The following CCDC117 variants were observed in gnomAD, a reference collection of about 807,000 sequenced individuals.
CCDC117 encodes the protein coiled-coil domain-containing protein 117.
A neutral mutation model predicts 23.5 loss-of-function variants in CCDC117; 1 was observed. The observed-to-expected ratio is 0.04, with a 90% CI of 0.02 to 0.20. The LOEUF (loss-of-function observed/expected upper bound fraction) is 0.20, where lower values mean the gene tolerates loss of function less well. Among genes scored for constraint, CCDC117 ranks in the 10% least tolerant of loss-of-function variants. The probability of loss-of-function intolerance (pLI) is 1.00; values close to 1 mark genes in which losing one functional copy is unlikely to be tolerated. For synonymous variants in CCDC117, 132 were observed against 124.8 expected (o/e 1.06, Z -0.39); for missense variants, 383 against 348.2 (o/e 1.10, Z -0.80).
chr22:28,773,885 G>T, intron 2 of CCDC117, 107 bp downstream of exon 2: 1 of 844,336 alleles, frequency 1.2e-6, no homozygotes, highest in South Asian at 1.4e-5. Flanking sequence ...GAGTGTCTCT[G>T]GAAAGAGACA....
Position 28,774,428 on chromosome 22 carries a change from TTG to T in CCDC117, c.239+655_239+656del, listed in dbSNP as rs2031103111. 8.0e-5 allele frequency among the ~76,000 whole-genome samples: 12 copies of T among 150,748 alleles called. No homozygotes were observed. The East Asian group carries it at 2.4e-3, about 30-fold the overall frequency. ...CTCTGTCACCCAAGCTGGAGTGCAGTTGTGTGATCACAGCTCACTGCAGCCTC... is the reference window on the plus strand; with the variant it reads ...CTCTGTCACCCAAGCTGGAGTGCAGTTGTGATCACAGCTCACTGCAGCCTC... On this transcript the variant is annotated intron_variant, in intron 2 of 4. Transcript: ENST00000249064.
intron 2 of CCDC117, among the ~76,000 whole-genome samples, chr22:28,777,910 G>A (rs6005874): frequency 6.7e-6 from 1 of 150,296 alleles, no homozygotes; most frequent in Admixed American, 6.6e-5. Flanking sequence ...CAGTACAGTC[G>A]CACGATCAGG....
chr22:28,781,356 T>TTTTTTTTTTTTTTTTTG, intron 3 of CCDC117, among the ~76,000 whole-genome samples, 184 bp downstream of exon 3: 1 of 16,428 alleles, frequency 6.1e-5, no homozygotes, highest in Non-Finnish European at 9.5e-5. Context: ...TTTTTTTTTT[T>TTTTTTTTTTTTTTTTTG]TTTTTTTTTT....
chr22:28,776,586 A>C (rs1363167628), intron 2 of CCDC117, among the ~76,000 whole-genome samples: 1 of 134,054 alleles, frequency 7.5e-6, no homozygotes, highest in Non-Finnish European at 1.5e-5. Context: ...ATGCCCAGCT[A>C]ATTTTTTTTT....
rs757230364 is a variant in CCDC117 at position 28,781,117 on chromosome 22, A to G, written c.409A>G (p.Thr137Ala). 1 of 1,614,018 alleles carries G rather than the reference A, an allele frequency of 6.2e-7. No homozygotes were observed. Among genetic ancestry groups the G allele is most frequent in the Non-Finnish European group, 8.5e-7 (1 of 1,179,998 alleles). Residue 137 changes from threonine to alanine, a missense_variant, in exon 3 of 5, where the codon ACT becomes GCT. Transcript: ENST00000249064. ...DVICEEMDQTTGEPQCEVARR... is the reference protein window; with the variant it reads ...DVICEEMDQTAGEPQCEVARR... Reference sequence around the variant, plus strand: ...TATTTGTGAAGAAATGGATCAGACAACTGGAGAACCACAGTGTGAAGTTGC... The same window carrying G: ...TATTTGTGAAGAAATGGATCAGACAGCTGGAGAACCACAGTGTGAAGTTGC...
intron 2 of CCDC117, among the ~76,000 whole-genome samples, chr22:28,775,432 T>A (rs1238011997): frequency 6.6e-6 from 1 of 152,202 alleles, no homozygotes; most frequent in Non-Finnish European, 1.5e-5. Context: ...TATGAATGAT[T>A]TCCTTGACGT....
intron 2 of CCDC117, among the ~76,000 whole-genome samples, chr22:28,774,172 A>C (rs1459496785): frequency 2.8e-5 from 4 of 144,714 alleles, no homozygotes; most frequent in Non-Finnish European, 6.0e-5. Flanking sequence ...GCTTCATGCC[A>C]TTCTCCTGCC....
At position 28,785,176 on chromosome 22, in the gene CCDC117, G is replaced by A. The variant is rs569591406; in HGVS notation, c.603-913G>A. Reference sequence around the variant, plus strand: ...ATAGTCATTTTGCCTTAACCATGAAGCTTGTTTTGTTTTGTTTTGTTTTGT... The same window carrying A: ...ATAGTCATTTTGCCTTAACCATGAAACTTGTTTTGTTTTGTTTTGTTTTGT... On this transcript the variant is annotated intron_variant, in intron 4 of 4. Coordinates refer to ENST00000249064, the MANE Select transcript of CCDC117 (RefSeq NM_173510.4). Among the ~76,000 whole-genome samples the A allele has an allele frequency of 1.1e-3, 139 of 129,398 alleles. No homozygotes were observed. The Middle Eastern group carries it at 0.012, about 11-fold the overall frequency. 84.9% of individuals were successfully genotyped at this position (129,398 alleles called of 152,430 possible).
At chr22:28,777,228 T>C (rs1195661229) in intron 2 of CCDC117, among the ~76,000 whole-genome samples, 1 of 151,802 alleles carries the variant, frequency 6.6e-6, no homozygotes, top group Non-Finnish European at 1.5e-5. Context: ...GGTTTCACCA[T>C]GTTAGCCAGG....
chr22:28,783,450 A>T lies in CCDC117; in HGVS notation c.465-58A>T. Reference sequence around the variant, plus strand: ...TTTTAAAATTTTGTCCAAATACTAGAATATATAATAGCTTGACTAAATATT... The same window carrying T: ...TTTTAAAATTTTGTCCAAATACTAGTATATATAATAGCTTGACTAAATATT... On this transcript the variant is annotated intron_variant, in intron 3 of 4. Coordinates refer to ENST00000249064, the MANE Select transcript of CCDC117 (RefSeq NM_173510.4). The T allele has an allele frequency of 2.0e-6, 3 of 1,531,942 alleles. No homozygotes were observed. In the South Asian group the frequency reaches 3.6e-5, roughly 18 times the overall value. The allele number at this position is 1,531,942 out of a possible 1,614,324, so 94.9% of individuals were successfully genotyped here.
In CCDC117 at chr22:28,786,232, G is replaced by A. The variant is rs2031505058; in HGVS notation, c.746G>A (p.Arg249Lys). 1 of 1,614,116 alleles carries A rather than the reference G, an allele frequency of 6.2e-7. No homozygotes were observed. Among genetic ancestry groups the A allele is most frequent in the Non-Finnish European group, 8.5e-7 (1 of 1,180,020 alleles). Residue 249 changes from arginine to lysine, a missense_variant, in exon 5 of 5, where the codon AGA becomes AAA. Transcript: ENST00000249064. ...HVAAGTAFPQ[R>K]TELFSEPRPT... ...GCTGCTGGCACTGCCTTCCCTCAGA[G>A]AACTGAACTGTTTTCGGAACCTCGG...
At position 28,787,223 on chromosome 22, in the gene CCDC117, T is replaced by TC. The variant is rs2031542623; in HGVS notation, c.*899dup. 6.6e-6 allele frequency: 1 copy of TC among 151,414 alleles called. No homozygotes were observed. Among genetic ancestry groups the TC allele is most frequent in the African/African-American group, 2.4e-5 (1 of 41,208 alleles). The allele number at this position is 151,414 out of a possible 1,614,324, so 9.4% of individuals were successfully genotyped here. The stretch of plus-strand genomic sequence containing the variant: ...TTTTTTTTTTTCCCCCACCGCAACC[T>TC]CCATCTCCCGGGTTCAAGCAATTCT... On this transcript the variant is annotated 3_prime_UTR_variant, in exon 5 of 5. Transcript: ENST00000249064.
At chr22:28,778,382 C>G (rs1346222878) in intron 2 of CCDC117, among the ~76,000 whole-genome samples, 1 of 152,014 alleles carries the variant, frequency 6.6e-6, no homozygotes, top group African/African-American at 2.4e-5. Context: ...CCGAGGCAGG[C>G]AGATCACCTC....
At chr22:28,775,862 A>C (rs1222663674) in intron 2 of CCDC117, among the ~76,000 whole-genome samples, 1 of 152,090 alleles carries the variant, frequency 6.6e-6, no homozygotes, top group Non-Finnish European at 1.5e-5. Flanking sequence ...GTCCTACCGC[A>C]CTCCAGCCTT....
chr22:28,780,359 A>G (rs1333476521), intron 2 of CCDC117, among the ~76,000 whole-genome samples: 1 of 152,168 alleles, frequency 6.6e-6, no homozygotes, highest in African/African-American at 2.4e-5. Context: ...AAACCTCATG[A>G]GACATGTTTT....
At chr22:28,777,738 G>C (rs950672847) in intron 2 of CCDC117, among the ~76,000 whole-genome samples, 4 of 151,600 alleles carry the variant, frequency 2.6e-5, no homozygotes, top group Non-Finnish European at 5.9e-5. Flanking sequence ...TTGATTCCTT[G>C]ACCTCATGAT....
chr22:28,778,898 T>C (rs905704972), intron 2 of CCDC117, among the ~76,000 whole-genome samples: 20 of 152,172 alleles, frequency 1.3e-4, no homozygotes, highest in Non-Finnish European at 2.6e-4. Flanking sequence ...CTAAATCATG[T>C]TGTTGGAGGT....
Position 28,786,482 on chromosome 22 carries a change from C to A in CCDC117, c.*156C>A. 1 of 579,174 alleles carries A rather than the reference C, an allele frequency of 1.7e-6. No individual in the cohort carries two copies. The highest frequency in any genetic ancestry group is 3.0e-6 in the Non-Finnish European group (1 of 333,482). The allele number at this position is 579,174 out of a possible 1,614,324, so 35.9% of individuals were successfully genotyped here. The stretch of plus-strand genomic sequence containing the variant: ...GGGTGGGACTCTTATTTTGGGTAGC[C>A]ATTTATTGACTTCACCTTTTTGCCA... On this transcript the variant is annotated 3_prime_UTR_variant, in exon 5 of 5. Transcript: ENST00000249064.
Position 28,786,486 on chromosome 22 carries a change from T to A in CCDC117, c.*160T>A. The A allele has an allele frequency of 1.7e-6, 1 of 579,898 alleles. No homozygotes were observed. Among genetic ancestry groups the A allele is most frequent in the Non-Finnish European group, 3.0e-6 (1 of 333,098 alleles). 35.9% of individuals were successfully genotyped at this position (579,898 alleles called of 1,614,324 possible). ...GGGACTCTTATTTTGGGTAGCCATT[T>A]ATTGACTTCACCTTTTTGCCAAGGA... On this transcript the variant is annotated 3_prime_UTR_variant, in exon 5 of 5. Coordinates refer to ENST00000249064, the MANE Select transcript of CCDC117 (RefSeq NM_173510.4).
Sources: gnomAD v4.1 joint callset for allele counts (sites outside exome capture counted in the v4.1 genomes callset) on GRCh38, gnomAD v4.1.1 for gene constraint, MANE v1.5 for transcripts, NCBI Gene and HGNC (gene_info 2026-07-23, HGNC 2026-07-21) for gene names.